Variants in ITGA9 observed in about 807,000 individuals in gnomAD.
The protein encoded by ITGA9 is integrin subunit alpha 9, also known as integrin alpha-9.
Under a neutral mutation model 127.8 loss-of-function variants are expected in ITGA9, and 56 were observed. The observed-to-expected ratio is 0.44, with a 90% CI of 0.35 to 0.55. The LOEUF is 0.55. Ranked by LOEUF, ITGA9 falls within the 20% of genes least tolerant of loss-of-function variation. The pLI, the probability that ITGA9 is intolerant of heterozygous loss-of-function variation, is 0.00. For missense variants in ITGA9, 1,196 were observed against 1,347.1 expected (o/e 0.89, Z 1.76); for synonymous variants, 508 against 514.5 (o/e 0.99, Z 0.17).
intron 15 of ITGA9, among the ~76,000 whole-genome samples, chr3:37,605,447 T>C (rs1699959252): frequency 6.6e-6 from 1 of 151,988 alleles, no homozygotes; most frequent in Non-Finnish European, 1.5e-5. Context: ...AAGCAGAGAG[T>C]CTGAGGTGCA....
chr3:37,685,503 C>G (rs1240111820), intron 18 of ITGA9, among the ~76,000 whole-genome samples: 3 of 152,166 alleles, frequency 2.0e-5, no homozygotes, highest in African/African-American at 7.2e-5. Context: ...TCGCTGGCCA[C>G]ACACACAGTA....
At chr3:37,668,560 A>G (rs1372186397) in intron 17 of ITGA9, among the ~76,000 whole-genome samples, 1 of 152,178 alleles carries the variant, frequency 6.6e-6, no homozygotes, top group African/African-American at 2.4e-5. Flanking sequence ...TTTGCAGTTT[A>G]TTCTGTGTGG....
At chr3:37,692,925 A>C (rs1700847211) in intron 18 of ITGA9, among the ~76,000 whole-genome samples, 1 of 152,174 alleles carries the variant, frequency 6.6e-6, no homozygotes, top group Non-Finnish European at 1.5e-5. Context: ...GAGAGAACAG[A>C]GAACGAAGAA....
At chr3:37,514,238 G>T (rs1277793643) in intron 9 of ITGA9, among the ~76,000 whole-genome samples, 1 of 152,194 alleles carries the variant, frequency 6.6e-6, no homozygotes, top group East Asian at 1.9e-4. Flanking sequence ...TGGAAAAACT[G>T]AGGCCCAGAG....
At chr3:37,564,790 T>C (rs984837212) in intron 15 of ITGA9, among the ~76,000 whole-genome samples, 2 of 152,094 alleles carry the variant, frequency 1.3e-5, no homozygotes, top group Admixed American at 6.5e-5. Flanking sequence ...ACAGCAGAAC[T>C]CCCAGCCAGG....
intron 3 of ITGA9, among the ~76,000 whole-genome samples, chr3:37,475,166 A>G (rs1040729204): frequency 4.6e-5 from 7 of 152,224 alleles, no homozygotes; most frequent in Admixed American, 3.3e-4. Flanking sequence ...TGACTGGACA[A>G]ATGGGCCCCA....
chr3:37,530,385 C>T (rs981660229), intron 13 of ITGA9, among the ~76,000 whole-genome samples: 1 of 152,160 alleles, frequency 6.6e-6, no homozygotes. Flanking sequence ...TATTGCCCAT[C>T]GTTCCTAACC....
intron 24 of ITGA9, among the ~76,000 whole-genome samples, chr3:37,778,144 A>C (rs1696930122): frequency 6.6e-6 from 1 of 152,234 alleles, no homozygotes. Flanking sequence ...ACATATTGTA[A>C]TATTTCACTT....
intron 15 of ITGA9, among the ~76,000 whole-genome samples, chr3:37,567,138 G>A (rs1436577056): frequency 3.3e-5 from 5 of 152,160 alleles, no homozygotes; most frequent in African/African-American, 9.7e-5. Flanking sequence ...TTTAATGAAC[G>A]CACAGTTCCA....
chr3:37,744,834 A>C (rs1325764821), intron 22 of ITGA9, among the ~76,000 whole-genome samples: 2 of 152,252 alleles, frequency 1.3e-5, no homozygotes, highest in African/African-American at 4.8e-5. Flanking sequence ...TAATTTTCAC[A>C]TCATGAAATG....
At chr3:37,700,902 T>G (rs1197594199) in intron 18 of ITGA9, among the ~76,000 whole-genome samples, 2 of 152,232 alleles carry the variant, frequency 1.3e-5, no homozygotes, top group Non-Finnish European at 2.9e-5. Context: ...GCTAATTCCT[T>G]ATCTCCCGGA....
intron 11 of ITGA9, among the ~76,000 whole-genome samples, chr3:37,522,978 T>A (rs1699059497): frequency 6.6e-6 from 1 of 152,192 alleles, no homozygotes; most frequent in Non-Finnish European, 1.5e-5. Flanking sequence ...AATCTATAGA[T>A]CATCTGGTTG....
intron 13 of ITGA9, among the ~76,000 whole-genome samples, chr3:37,529,976 G>A (rs1699131969): frequency 6.6e-6 from 1 of 152,228 alleles, no homozygotes; most frequent in African/African-American, 2.4e-5. Flanking sequence ...TAGGAATAAG[G>A]TCAGGGCGAG....
chr3:37,757,404 T>TGTAA lies in ITGA9; in HGVS notation c.2541+6836_2541+6839dup, dbSNP rs1410319160. Among the ~76,000 whole-genome samples the TGTAA allele has an allele frequency of 2.0e-5, 3 of 151,856 alleles. 1 individual carries two copies. The highest frequency in any genetic ancestry group is 7.3e-5 in the African/African-American group (3 of 41,122). ...GAGCTGGGCATGGTTGGCTCATGCC[T>TGTAA]GTAATCCCAGGACTTTAGGAGGCTA... On this transcript the variant is annotated intron_variant, in intron 23 of 27. Transcript: ENST00000264741.
intron 18 of ITGA9, among the ~76,000 whole-genome samples, chr3:37,690,117 G>A (rs1452050681): frequency 6.6e-6 from 1 of 152,220 alleles, no homozygotes; most frequent in East Asian, 1.9e-4. Flanking sequence ...ACATGGATGA[G>A]CCTCCAAAGG....
chr3:37,701,665 A>G (rs1700948008), intron 18 of ITGA9, among the ~76,000 whole-genome samples: 1 of 152,202 alleles, frequency 6.6e-6, no homozygotes, highest in Non-Finnish European at 1.5e-5. Context: ...CTCAGGTGAA[A>G]AAATGCAGGT....
Position 37,476,634 on chromosome 3 carries a change from C to A in ITGA9, c.420+3174C>A, listed in dbSNP as rs144177835. On this transcript the variant is annotated intron_variant, in intron 3 of 27. Transcript: ENST00000264741. ...GTCCTAAGTCCCCTCTGCCCCTGCC[C>A]CACTCTGTCCTCGGCACTTCTCTTT... Among the ~76,000 whole-genome samples the A allele has an allele frequency of 3.9e-5, 6 of 152,282 alleles. No homozygotes were observed. In the East Asian group the frequency reaches 1.2e-3, roughly 29 times the overall value.
intron 23 of ITGA9, among the ~76,000 whole-genome samples, chr3:37,755,632 G>T (rs562498304): frequency 1.2e-4 from 18 of 152,288 alleles, no homozygotes; most frequent in East Asian, 1.2e-3. Context: ...AAATATTAAA[G>T]AATAAAGTAG....
rs1371415125 is a variant in ITGA9, at chr3:37,822,121, C to T, written c.*3132C>T. The stretch of plus-strand genomic sequence containing the variant: ...TTATTTGAAAATTCTACAGTATGTT[C>T]TACTTTCTCCCCTTCCTGCTTCCAT... On this transcript the variant is annotated 3_prime_UTR_variant, in exon 28 of 28. Transcript: ENST00000264741. 6.6e-6 allele frequency: 1 copy of T among 152,070 alleles called. No homozygotes were observed. Among genetic ancestry groups the T allele is most frequent in the Non-Finnish European group, 1.5e-5 (1 of 68,008 alleles). The allele number at this position is 152,070 out of a possible 1,614,324, so 9.4% of individuals were successfully genotyped here.
Sources: allele counts gnomAD v4.1 joint callset (sites outside exome capture counted in the v4.1 genomes callset), GRCh38; gene constraint gnomAD v4.1.1; transcripts MANE v1.5; gene names NCBI Gene and HGNC (gene_info 2026-07-23, HGNC 2026-07-21).